Variants in UTP20 observed in about 807,000 individuals in gnomAD.
UTP20 encodes UTP20 small subunit processome component.
UTP20 carries 164 observed loss-of-function variants against 329.5 expected under a neutral mutation model. The ratio of observed to expected loss-of-function variants is 0.50; its 90% CI spans 0.44 to 0.57. The LOEUF is 0.57. UTP20 is among the 20% of genes least tolerant of loss of function. The probability of loss-of-function intolerance (pLI) is 0.00; values close to 1 mark genes in which losing one functional copy is unlikely to be tolerated. For synonymous variants in UTP20, 1,151 were observed against 1,159.3 expected, an observed-to-expected ratio of 0.99 and a Z score of 0.14; for missense variants, 3,055 against 3,284.2, an observed-to-expected ratio of 0.93 and a Z score of 1.71.
rs748907134 is a variant in UTP20 at position 101,329,406 on chromosome 12, G to A, written c.3374G>A (p.Cys1125Tyr). 1.9e-6 allele frequency: 3 copies of A among 1,613,896 alleles called. No individual in the cohort carries two copies. The highest frequency in any genetic ancestry group is 1.7e-6 in the Non-Finnish European group (2 of 1,179,872). The change falls in exon 27 of 62, where the codon TGT becomes TAT. Residue 1125 changes from cysteine (C) to tyrosine (Y), a missense_variant. Physicochemically the swap from Cys to Tyr is radical, Grantham distance 194. Coordinates refer to ENST00000261637, the MANE Select transcript of UTP20 (RefSeq NM_014503.3). ...CCGAAGATTTTGCAGATACTGCTCT[G>A]TATGACAGCAACCGTATCACACATC... The part of the protein sequence containing the change: ...YLPKILQILL[C>Y]MTATVSHILD...
intron 30 of UTP20, 141 bp downstream of exon 30, chr12:101,338,418 T>C: frequency 1.3e-6 from 1 of 779,850 alleles, no homozygotes; most frequent in Non-Finnish European, 2.0e-6. Flanking sequence ...CTAATACTAA[T>C]TTATATAAAC....
At chr12:101,338,508 G>C (rs1289796103) in intron 30 of UTP20, among the ~76,000 whole-genome samples, 3 of 152,150 alleles carry the variant, frequency 2.0e-5, no homozygotes, top group Non-Finnish European at 2.9e-5. Context: ...TTATGAAAAT[G>C]ATTTCTACTG....
chr12:101,376,432 T>C (rs774409324), intron 56 of UTP20, among the ~76,000 whole-genome samples: 2 of 152,162 alleles, frequency 1.3e-5, no homozygotes, highest in South Asian at 2.1e-4. Context: ...CAAATCTAGA[T>C]GGTATAGCCT....
At position 101,308,191 on chromosome 12, in the gene UTP20, G is replaced by T; in HGVS notation, c.2002G>T (p.Gly668Trp). ...VQLPESMEDD[G>W]LSERQSVFAI... ...GTTTTCTCTGGTTATTCAGGATGAT[G>T]GGCTCTCAGAGCGGCAGTCTGTCTT... Residue 668 changes from glycine (G) to tryptophan (W), a missense_variant, in exon 18 of 62, where the codon GGG (glycine) becomes TGG (tryptophan). By Grantham distance (184) the Gly-to-Trp change is radical (BLOSUM62 -2). Coordinates refer to ENST00000261637, the MANE Select transcript of UTP20 (RefSeq NM_014503.3). 1 of 1,605,400 alleles carries T rather than the reference G, an allele frequency of 6.2e-7. No homozygotes were observed. Among genetic ancestry groups the T allele is most frequent in the Non-Finnish European group, 8.5e-7 (1 of 1,176,266 alleles).
In UTP20 at chr12:101,371,139, A is replaced by G; in HGVS notation, c.6769A>G (p.Ser2257Gly). 1 of 1,614,086 alleles carries G rather than the reference A, an allele frequency of 6.2e-7. No individual in the cohort carries two copies. Among genetic ancestry groups the G allele is most frequent in the Non-Finnish European group, 8.5e-7 (1 of 1,179,982 alleles). The part of the protein sequence containing the change: ...KVSKLAVSAQ[S>G]EPARVQCRQV... ...ATCCAAGTTGGCAGTCTCTGCACAA[A>G]GCGAACCTGCCAGGGTCCAGTGTAG... Residue 2257 changes from serine (S) to glycine (G), a missense_variant, in exon 51 of 62, where the codon AGC (serine) becomes GGC (glycine). By Grantham distance (56) the Ser-to-Gly change is moderately conservative. Coordinates refer to ENST00000261637, the MANE Select transcript of UTP20 (RefSeq NM_014503.3).
chr12:101,323,661 G>C (rs944602952), intron 25 of UTP20, among the ~76,000 whole-genome samples: 16 of 152,024 alleles, frequency 1.1e-4, no homozygotes, highest in African/African-American at 3.9e-4. Context: ...CTGACAACTT[G>C]TATTTTCTAA....
intron 25 of UTP20, among the ~76,000 whole-genome samples, chr12:101,326,260 A>G (rs919041732): frequency 6.6e-6 from 1 of 152,204 alleles, no homozygotes; most frequent in South Asian, 2.1e-4. Flanking sequence ...TACTATAGTT[A>G]CAAATGTTGT....
At position 101,342,960 on chromosome 12, in the gene UTP20, G is replaced by C. The variant is rs1371944008; in HGVS notation, c.4316G>C (p.Arg1439Thr). 6.2e-7 allele frequency: 1 copy of C among 1,613,370 alleles called. No homozygotes were observed. The highest frequency in any genetic ancestry group is 8.5e-7 in the Non-Finnish European group (1 of 1,179,862). The change falls in exon 35 of 62, where the codon AGA (arginine) becomes ACA (threonine). Residue 1439 changes from arginine (R) to threonine (T), a missense_variant. Coordinates refer to ENST00000261637, the MANE Select transcript of UTP20 (RefSeq NM_014503.3). The stretch of plus-strand genomic sequence containing the variant: ...TTATAGCTTAACGCCTTCGATCAAA[G>C]ACATCTTGATGATATCAACTTCGAC... ...DVVKLNAFDQRHLDDINFDVR... is the reference protein window; with the variant it reads ...DVVKLNAFDQTHLDDINFDVR...
intron 29 of UTP20, among the ~76,000 whole-genome samples, chr12:101,337,191 G>A (rs1868960952): frequency 6.6e-6 from 1 of 152,180 alleles, no homozygotes; most frequent in African/African-American, 2.4e-5. Context: ...AGTGTCTTGT[G>A]TAGAGCCTAC....
intron 47 of UTP20, among the ~76,000 whole-genome samples, chr12:101,367,560 C>T (rs931363887): frequency 2.0e-5 from 3 of 152,114 alleles, no homozygotes; most frequent in Non-Finnish European, 4.4e-5. Flanking sequence ...TCCATCAAGA[C>T]AGAGACCATG....
Position 101,354,927 on chromosome 12 carries a change from G to A in UTP20, c.5203G>A (p.Asp1735Asn). 6.2e-7 allele frequency: 1 copy of A among 1,614,160 alleles called. No homozygotes were observed. Among genetic ancestry groups the A allele is most frequent in the Non-Finnish European group, 8.5e-7 (1 of 1,180,026 alleles). Residue 1735 changes from aspartate to asparagine, a missense_variant, in exon 41 of 62, where the codon GAC (aspartate) becomes AAC (asparagine). Asp to Asn is a conservative substitution (Grantham distance 23). Transcript: ENST00000261637. ...GGAATATACATGCAAGAGTTTGTCA[G>A]ACAACGGACAACCGGGAACCCCTGA... Reference protein sequence around the residue: ...EKEYTCKSLSDNGQPGTPDPA... With the variant: ...EKEYTCKSLSNNGQPGTPDPA...
chr12:101,385,462 T>G, intron 60 of UTP20, 121 bp from the exon 61 acceptor site: 1 of 1,221,402 alleles, frequency 8.2e-7, no homozygotes. Context: ...TTTTGTTTTA[T>G]TTGGGGTTTC....
Position 101,372,970 on chromosome 12 carries a change from T to C in UTP20, c.6878+7T>C. ...TCATGCTCGCTCAACTGAAGTAAGC[T>C]TAAGCTATTAACTACACAGGGGCGG... On this transcript the variant is annotated splice_region_variant and intron_variant, in intron 52 of 61. Transcript: ENST00000261637. The C allele has an allele frequency of 6.2e-7, 1 of 1,612,314 alleles. No individual in the cohort carries two copies. Among genetic ancestry groups the C allele is most frequent in the South Asian group, 1.1e-5 (1 of 91,016 alleles).
chr12:101,328,754 A>C (rs989879624), intron 26 of UTP20, among the ~76,000 whole-genome samples: 1 of 151,868 alleles, frequency 6.6e-6, no homozygotes, highest in Non-Finnish European at 1.5e-5. Context: ...CTATAATCCC[A>C]GCTACTTGGG....
chr12:101,283,849 A>G (rs1267098228), intron 2 of UTP20, among the ~76,000 whole-genome samples: 6 of 152,246 alleles, frequency 3.9e-5, no homozygotes, highest in South Asian at 2.1e-4. Context: ...TCCCCAGCCT[A>G]AAACAAAATT....
Position 101,386,525 on chromosome 12 carries a change from T to A in UTP20, c.*402T>A, listed in dbSNP as rs1870841840. The A allele has an allele frequency of 6.5e-6, 1 of 154,732 alleles. No homozygotes were observed. Among genetic ancestry groups the A allele is most frequent in the Non-Finnish European group, 1.4e-5 (1 of 69,906 alleles). 9.6% of individuals were successfully genotyped at this position (154,732 alleles called of 1,614,324 possible). A position where few individuals can be genotyped will look rare whatever the true frequency, so the allele number is the denominator to read the frequency against. On this transcript the variant is annotated 3_prime_UTR_variant, in exon 62 of 62. Transcript: ENST00000261637. ...GCCACCCTGCTCAACCAGGTTTTATTATTTAAGTTAGTTAAACTTTGGATA... is the reference window on the plus strand; with the variant it reads ...GCCACCCTGCTCAACCAGGTTTTATAATTTAAGTTAGTTAAACTTTGGATA...
intron 2 of UTP20, among the ~76,000 whole-genome samples, chr12:101,284,736 A>T (rs1284654076): frequency 6.6e-6 from 1 of 152,192 alleles, no homozygotes; most frequent in Non-Finnish European, 1.5e-5. Flanking sequence ...ACATAGTGGT[A>T]AACTTACGAA....
At chr12:101,337,048 C>T (rs991549634) in intron 29 of UTP20, among the ~76,000 whole-genome samples, 3 of 152,342 alleles carry the variant, frequency 2.0e-5, no homozygotes, top group South Asian at 2.1e-4. Context: ...GCCTCACTAA[C>T]GTAGCTTCAA....
Position 101,386,206 on chromosome 12 carries a change from G to A in UTP20, c.*83G>A, listed in dbSNP as rs927050057. The A allele has an allele frequency of 1.3e-5, 18 of 1,394,152 alleles. No homozygotes were observed. In the East Asian group the frequency reaches 4.3e-4, roughly 34 times the overall value. 86.4% of individuals were successfully genotyped at this position (1,394,152 alleles called of 1,614,324 possible). ...TACAGTAGGTTGTCTGGGGTAGGGG[G>A]GAGGCGTTTTTTTTTTTTTTTGAGA... On this transcript the variant is annotated 3_prime_UTR_variant, in exon 62 of 62. Transcript: ENST00000261637.
Sources: gnomAD v4.1 joint callset for allele counts (sites outside exome capture counted in the v4.1 genomes callset) on GRCh38, gnomAD v4.1.1 for gene constraint, MANE v1.5 for transcripts, NCBI Gene and HGNC (gene_info 2026-07-23, HGNC 2026-07-21) for gene names.